The following STRN variants were observed in gnomAD, a reference collection of about 807,000 sequenced individuals.
STRN encodes the protein striatin.
In STRN, 53 loss-of-function variants were observed where a neutral mutation model predicts 96.3. That is an observed-to-expected ratio of 0.55 (90% CI 0.44 to 0.69). STRN has a LOEUF of 0.69. Ranked by LOEUF, STRN falls within the 30% of genes least tolerant of loss-of-function variation. STRN has a pLI of 0.00. For synonymous variants in STRN, 428 were observed against 355.9 expected (o/e 1.20, Z -2.28); for missense variants, 987 against 963.9 (o/e 1.02, Z -0.32).
intron 1 of STRN, among the ~76,000 whole-genome samples, chr2:36,943,659 C>A (rs1405529425): frequency 6.6e-6 from 1 of 151,992 alleles, no homozygotes; most frequent in African/African-American, 2.4e-5. Flanking sequence ...AAAAAATTAG[C>A]TGGGCGTGGT....
intron 6 of STRN, among the ~76,000 whole-genome samples, chr2:36,898,262 G>A (rs1455453393): frequency 6.6e-6 from 1 of 152,150 alleles, no homozygotes; most frequent in African/African-American, 2.4e-5. Flanking sequence ...AATCACAAGG[G>A]ACTACCCAAT....
chr2:36,944,328 C>T (rs953843961), intron 1 of STRN, among the ~76,000 whole-genome samples: 3 of 152,242 alleles, frequency 2.0e-5, no homozygotes, highest in Admixed American at 6.5e-5. Context: ...AAGGTGGGCA[C>T]TCCTCATAGG....
At chr2:36,957,018 C>T (rs1183414311) in intron 1 of STRN, among the ~76,000 whole-genome samples, 1 of 152,078 alleles carries the variant, frequency 6.6e-6, no homozygotes, top group Admixed American at 6.6e-5. Flanking sequence ...AAAATGGGAA[C>T]CCAGTGAGGT....
At chr2:36,943,381 T>C (rs758744728) in intron 1 of STRN, among the ~76,000 whole-genome samples, 2 of 150,240 alleles carry the variant, frequency 1.3e-5, no homozygotes, top group African/African-American at 2.5e-5. Context: ...GTACAGGGAC[T>C]AGAACTATAT....
chr2:36,930,982 G>A (rs1404069109), intron 1 of STRN, among the ~76,000 whole-genome samples: 12 of 151,248 alleles, frequency 7.9e-5, no homozygotes, highest in African/African-American at 2.2e-4. Context: ...GTGGTGAGTC[G>A]AGATCATGCC....
chr2:36,884,178 T>A (rs186532674), intron 8 of STRN, 103 bp from the exon 9 acceptor site: 2,019 of 1,043,802 alleles, frequency 1.9e-3, no homozygotes, highest in Admixed American at 3.9e-3. Flanking sequence ...TCTGTCAATA[T>A]TTACCTTTAA....
intron 1 of STRN, among the ~76,000 whole-genome samples, chr2:36,961,002 T>G (rs557998899): frequency 6.6e-6 from 1 of 151,266 alleles, no homozygotes. Flanking sequence ...GCTCAAGCAA[T>G]CCTCCCATCT....
chr2:36,948,032 C>G (rs1664639592), intron 1 of STRN, among the ~76,000 whole-genome samples: 1 of 149,580 alleles, frequency 6.7e-6, no homozygotes, highest in Admixed American at 6.7e-5. Flanking sequence ...AAACATTTCC[C>G]CTCATCCTAT....
intron 1 of STRN, among the ~76,000 whole-genome samples, chr2:36,935,862 T>C (rs1670688343): frequency 6.6e-6 from 1 of 152,236 alleles, no homozygotes; most frequent in African/African-American, 2.4e-5. Context: ...CTAGAAAGTC[T>C]GTTTTTCCTT....
At chr2:36,928,076 CT>C (rs938301296) in intron 1 of STRN, among the ~76,000 whole-genome samples, 7 of 151,686 alleles carry the variant, frequency 4.6e-5, no homozygotes, top group Admixed American at 3.9e-4. Flanking sequence ...AATCTTTTAC[CT>C]TTTTTTTCTC....
At chr2:36,930,958 G>T (rs1464989563) in intron 1 of STRN, among the ~76,000 whole-genome samples, 1 of 151,914 alleles carries the variant, frequency 6.6e-6, no homozygotes, top group Non-Finnish European at 1.5e-5. Flanking sequence ...GCTTGAACCT[G>T]AGAGGTAGAG....
At chr2:36,867,742 G>A (rs1460516453) in intron 12 of STRN, 72 bp downstream of exon 12, 3 of 1,040,808 alleles carry the variant, frequency 2.9e-6, no homozygotes, top group East Asian at 2.8e-5. Flanking sequence ...GTAAGTGAAA[G>A]AAAATAAAAT....
chr2:36,917,755 G>GT (rs1303595752), intron 2 of STRN, among the ~76,000 whole-genome samples: 1 of 151,920 alleles, frequency 6.6e-6, no homozygotes, highest in Admixed American at 6.6e-5. Flanking sequence ...GGGTACATGA[G>GT]TATTTTTTAT....
intron 13 of STRN, among the ~76,000 whole-genome samples, chr2:36,860,401 G>A (rs1455066807): frequency 5.9e-5 from 9 of 152,070 alleles, no homozygotes; most frequent in African/African-American, 2.4e-5. Flanking sequence ...ATTAATGCTC[G>A]TTAAATAAAT....
At chr2:36,913,730 G>A (rs770501436) in intron 3 of STRN, among the ~76,000 whole-genome samples, 1 of 152,178 alleles carries the variant, frequency 6.6e-6, no homozygotes, top group Non-Finnish European at 1.5e-5. Flanking sequence ...TGGTTGGAAA[G>A]ATACATGAAA....
chr2:36,934,201 C>T (rs1670645831), intron 1 of STRN, among the ~76,000 whole-genome samples: 1 of 152,148 alleles, frequency 6.6e-6, no homozygotes, highest in African/African-American at 2.4e-5. Context: ...AAAATGGCAG[C>T]TCTTAACCAG....
intron 2 of STRN, among the ~76,000 whole-genome samples, chr2:36,916,636 T>C (rs1334643916): frequency 6.6e-6 from 1 of 152,188 alleles, no homozygotes. Context: ...ATATGCATTA[T>C]ACTGCACAAT....
intron 8 of STRN, 82 bp downstream of exon 8, chr2:36,886,633 AT>A: frequency 9.2e-7 from 1 of 1,092,698 alleles, no homozygotes. Flanking sequence ...GAGTAAGTAG[AT>A]TTAGGAAAAC....
chr2:36,941,695 G>A (rs1002898022), intron 1 of STRN, among the ~76,000 whole-genome samples: 3 of 148,980 alleles, frequency 2.0e-5, no homozygotes, highest in Non-Finnish European at 3.0e-5. Flanking sequence ...GATTACAGGC[G>A]CCTGCCACCC....
Sources: allele counts gnomAD v4.1 joint callset (sites outside exome capture counted in the v4.1 genomes callset), GRCh38; gene constraint gnomAD v4.1.1; transcripts MANE v1.5; gene names NCBI Gene and HGNC (gene_info 2026-07-23, HGNC 2026-07-21).